Variants in MUC4 observed in about 807,000 individuals in gnomAD.
MUC4 encodes mucin-4.
Under a neutral mutation model 257.9 loss-of-function variants are expected in MUC4, and 202 were observed. The ratio of observed to expected loss-of-function variants is 0.78; its 90% CI spans 0.70 to 0.88. The LOEUF is 0.88. Among genes scored for constraint, MUC4 ranks in the 40% least tolerant of loss-of-function variants. The probability of loss-of-function intolerance (pLI) is 0.00; values close to 1 mark genes in which losing one functional copy is unlikely to be tolerated. For synonymous variants in MUC4, 2,351 were observed against 2,757.1 expected (o/e 0.85, Z 4.62); for missense variants, 5,976 against 6,513.7 (o/e 0.92, Z 2.84).
chr3:195,781,206 A>G lies in MUC4; in HGVS notation c.10374T>C (p.Pro3458=), dbSNP rs1462766533. Residue 3458 remains proline (P), a synonymous_variant, in exon 2 of 25, where the codon CCT becomes CCC. Transcript: ENST00000463781. ...TGGATGCTGAGGAAGTGTCGGTGAC[A>G]GGAAGAGGGGTGGTGTGACCTGTAG... ...SASTGHTTPL[P]VTDTSSASTG... 11 of 1,410,390 alleles carry G rather than the reference A, an allele frequency of 7.8e-6. No individual in the cohort carries two copies. The highest frequency in any genetic ancestry group is 1.0e-5 in the Non-Finnish European group (11 of 1,054,012). The allele number at this position is 1,410,390 out of a possible 1,614,324, so 87.4% of individuals were successfully genotyped here.
At chr3:195,751,670 C>G (rs1716474278) in intron 21 of MUC4, 1 of 318,146 alleles carries the variant, frequency 3.1e-6, no homozygotes, top group Admixed American at 4.6e-5. Flanking sequence ...AGTCTAAACT[C>G]AAAGAGTGCA....
chr3:195,761,356 G>A (rs1210645788), intron 15 of MUC4, 128 bp downstream of exon 15: 1 of 865,462 alleles, frequency 1.2e-6, no homozygotes, highest in East Asian at 2.5e-5. Flanking sequence ...GGACAGCCCT[G>A]GGGGGGCACA....
chr3:195,768,946 AGT>A (rs2148851268), intron 7 of MUC4, 74 bp downstream of exon 7: 4 of 1,532,094 alleles, frequency 2.6e-6, no homozygotes, highest in Non-Finnish European at 3.5e-6. Context: ...CCAGGATGGG[AGT>A]GTGTGTGCAG....
At position 195,769,048 on chromosome 3, in the gene MUC4, G is replaced by A; in HGVS notation, c.13503C>T (p.Gly4501=). ...TAGAGAAGCCCATGAGCACCGGGTT[G>A]CCTGAGCGCTGGGCCACGTCCCACT... is the stretch of plus-strand genomic sequence containing the variant. ...GMQWDVAQRS[G]NPVLMGFSSG... The change falls in exon 7 of 25, where the codon GGC becomes GGT. Residue 4501 remains glycine, a synonymous_variant. Transcript: ENST00000463781. The A allele has an allele frequency of 6.2e-7, 1 of 1,613,706 alleles. No individual in the cohort carries two copies. Among genetic ancestry groups the A allele is most frequent in the Non-Finnish European group, 8.5e-7 (1 of 1,179,864 alleles).
At chr3:195,754,827 CATGTGTGTATGT>C (rs1027161007) in intron 18 of MUC4, among the ~76,000 whole-genome samples, 4 of 76,580 alleles carry the variant, frequency 5.2e-5, no homozygotes, top group Admixed American at 1.2e-4. Context: ...TGTGTGTATC[CATGTGTGTATGT>C]ATCATGTATG....
In MUC4 at chr3:195,754,060, C is replaced by G. The variant is rs1214781104; in HGVS notation, c.15328+153G>C. 6 of 1,085,946 alleles carry G rather than the reference C, an allele frequency of 5.5e-6. No homozygotes were observed. The African/African-American group carries it at 9.6e-5, about 17-fold the overall frequency. 67.3% of individuals were successfully genotyped at this position (1,085,946 alleles called of 1,614,324 possible). On this transcript the variant is annotated intron_variant, in intron 19 of 24. Transcript: ENST00000463781. ...TTCCCATACCTGCCTAGATGATTTC[C>G]CACACCTGCCTAGATTTCCCACACC...
intron 1 of MUC4, among the ~76,000 whole-genome samples, chr3:195,798,514 T>G (rs1254508367): frequency 6.6e-6 from 1 of 152,058 alleles, no homozygotes; most frequent in Non-Finnish European, 1.5e-5. Context: ...CCATCCTGGC[T>G]AACAGGGTGA....
intron 7 of MUC4, among the ~76,000 whole-genome samples, chr3:195,767,550 CACCATT>C (rs1721077996): frequency 8.6e-6 from 1 of 116,918 alleles, no homozygotes; most frequent in African/African-American, 5.3e-5. Flanking sequence ...TCATCACCAT[CACCATT>C]ACCATTGCCA....
rs192331960 is a variant in MUC4 at position 195,806,955 on chromosome 3, C to A, written c.82+4781G>T. 2.6e-5 allele frequency among the ~76,000 whole-genome samples: 4 copies of A among 152,316 alleles called. No homozygotes were observed. In the East Asian group the frequency reaches 5.8e-4, roughly 22 times the overall value. On this transcript the variant is annotated intron_variant, in intron 1 of 24. Transcript: ENST00000463781. ...TCCACTGGCCACTGGACTTTTGGAA[C>A]CTAAACTGCAACCTGGGCGGGGCGG...
intron 21 of MUC4, 59 bp downstream of exon 21, chr3:195,752,314 C>A: frequency 7.0e-7 from 1 of 1,434,222 alleles, no homozygotes. Flanking sequence ...GATGGTTCCG[C>A]CCTGGCCTGA....
chr3:195,767,841 C>CCAT (rs1330016454), intron 7 of MUC4, among the ~76,000 whole-genome samples: 2 of 125,434 alleles, frequency 1.6e-5, no homozygotes, highest in African/African-American at 6.7e-5. Context: ...ATCACCACCA[C>CCAT]CACCATCGCC....
At chr3:195,776,165 C>A (rs1724636723) in intron 3 of MUC4, among the ~76,000 whole-genome samples, 1 of 70,894 alleles carries the variant, frequency 1.4e-5, no homozygotes. Context: ...CACACCCATA[C>A]CTTCCACAGT....
chr3:195,752,481 A>C lies in MUC4; in HGVS notation c.15509-35T>G, dbSNP rs748634412. On this transcript the variant is annotated intron_variant, in intron 20 of 24. Coordinates refer to ENST00000463781, the MANE Select transcript of MUC4 (RefSeq NM_018406.7). ...GGAGAAGCAAATGTATCATCACCCC[A>C]CGGTTTACCCAGACTTACCCAAAAA... 4 of 1,584,192 alleles carry C rather than the reference A, an allele frequency of 2.5e-6. No homozygotes were observed. The African/African-American group carries it at 5.4e-5, about 21-fold the overall frequency.
intron 1 of MUC4, among the ~76,000 whole-genome samples, chr3:195,801,646 CT>C (rs1248471510): frequency 6.6e-6 from 1 of 152,184 alleles, no homozygotes; most frequent in Non-Finnish European, 1.5e-5. Context: ...TTACCACGCA[CT>C]GCTCGCTCTG....
In MUC4 at chr3:195,788,706, T is replaced by C. The variant is rs1176795981; in HGVS notation, c.2874A>G (p.Ser958=). Residue 958 remains serine, a synonymous_variant, in exon 2 of 25, where the codon TCA becomes TCG. Transcript: ENST00000463781. ...TGAAGGTTTTACCAGACCCTGAAGGTGACAGAGTGTGGGTCTCGGTTTGTG... is the reference window on the plus strand; with the variant it reads ...TGAAGGTTTTACCAGACCCTGAAGGCGACAGAGTGTGGGTCTCGGTTTGTG... ...TSPQTETHTL[S]PSGSGKTFTT... 2 of 1,611,084 alleles carry C rather than the reference T, an allele frequency of 1.2e-6. No individual in the cohort carries two copies. Among genetic ancestry groups the C allele is most frequent in the South Asian group, 1.1e-5 (1 of 91,010 alleles).
rs1012042831 is a variant in MUC4, at chr3:195,788,461, G to C, written c.3119C>G (p.Pro1040Arg). The C allele has an allele frequency of 2.2e-5, 34 of 1,525,072 alleles. 1 individual carries two copies. Among genetic ancestry groups the C allele is most frequent in the East Asian group, 5.0e-5 (2 of 40,328 alleles). The allele number at this position is 1,525,072 out of a possible 1,614,324, so 94.5% of individuals were successfully genotyped here. A position where few individuals can be genotyped will look rare whatever the true frequency, so the allele number is the denominator to read the frequency against. Residue 1040 changes from proline to arginine, a missense_variant, in exon 2 of 25, where the codon CCT becomes CGT. Physicochemically the swap from Pro to Arg is moderately radical, Grantham distance 103. This residue lies in a region of MUC4 where 1,583 missense variants were observed against 1,257.4 expected (regional missense o/e 1.26). Coordinates refer to ENST00000463781, the MANE Select transcript of MUC4 (RefSeq NM_018406.7). Reference sequence around the variant, plus strand: ...TGAGGAAAAGCTGGTGACAGGAAGAGGGGTGACGTGACCTGTGGATTCTGA... The same window carrying C: ...TGAGGAAAAGCTGGTGACAGGAAGACGGGTGACGTGACCTGTGGATTCTGA... ...TSSESTGHVTPLPVTSFSSAS... is the reference protein window; with the variant it reads ...TSSESTGHVTRLPVTSFSSAS...
At position 195,746,909 on chromosome 3, in the gene MUC4, C is replaced by T. The variant is rs570673823; in HGVS notation, c.*267G>A. 1.6e-3 allele frequency: 931 copies of T among 568,580 alleles called. No homozygotes were observed. Among genetic ancestry groups the T allele is most frequent in the African/African-American group, 0.015 (814 of 53,198 alleles). The allele number at this position is 568,580 out of a possible 1,614,324, so 35.2% of individuals were successfully genotyped here. A position where few individuals can be genotyped will look rare whatever the true frequency, so the allele number is the denominator to read the frequency against. On this transcript the variant is annotated 3_prime_UTR_variant, in exon 25 of 25. Coordinates refer to ENST00000463781, the MANE Select transcript of MUC4 (RefSeq NM_018406.7). The stretch of plus-strand genomic sequence containing the variant: ...TCGTGTGTGTGTGTGTGTGTGTGCA[C>T]GCGCGCGTGCACAGGCTAGTGTCCT...
intron 8 of MUC4, 30 bp downstream of exon 8, chr3:195,766,633 A>G: frequency 1.2e-6 from 2 of 1,601,082 alleles, no homozygotes; most frequent in Non-Finnish European, 1.7e-6. Flanking sequence ...GCTTGAGACC[A>G]GCTCAGGTGT....
rs966562896 is a variant in MUC4 at position 195,755,696 on chromosome 3, C to A, written c.15169-1324G>T. On this transcript the variant is annotated intron_variant, in intron 18 of 24. Coordinates refer to ENST00000463781, the MANE Select transcript of MUC4 (RefSeq NM_018406.7). This position sits in a 1 kb window ranked among gnomAD's most constrained non-coding sequence, Gnocchi z 5.0. ...TGGAATCCTCTAACACTTGCTACTC[C>A]CAAGAGTGGATATTTGGGGATCTGT... Among the ~76,000 whole-genome samples the A allele has an allele frequency of 1.3e-5, 2 of 152,134 alleles. No homozygotes were observed. The highest frequency in any genetic ancestry group is 4.8e-5 in the African/African-American group (2 of 41,420).
Sources: allele counts gnomAD v4.1 joint callset (sites outside exome capture counted in the v4.1 genomes callset), GRCh38; gene constraint gnomAD v4.1.1; regional missense constraint gnomAD v4.1.1; non-coding constraint Gnocchi (gnomAD v3.1); transcripts MANE v1.5; gene names NCBI Gene and HGNC (gene_info 2026-07-23, HGNC 2026-07-21).